Variants in WWOX observed in about 807,000 individuals in gnomAD.
The protein encoded by WWOX is WW domain containing oxidoreductase, also known as WW domain-containing oxidoreductase.
WWOX carries 69 observed loss-of-function variants against 46.2 expected under a neutral mutation model. The observed-to-expected ratio is 1.49, with a 90% CI of 1.23 to 1.82. The LOEUF (loss-of-function observed/expected upper bound fraction) is 1.82, where lower values mean the gene tolerates loss of function less well. WWOX is among the 40% of genes most tolerant of loss of function. WWOX has a pLI of 0.00. For missense variants in WWOX, 919 were observed against 542.6 expected, an observed-to-expected ratio of 1.69 and a Z score of -6.89; for synonymous variants, 359 against 202.6, an observed-to-expected ratio of 1.77 and a Z score of -6.56.
chr16:78,386,727 T>C (rs1038261822), intron 5 of WWOX, 133 bp from the exon 6 acceptor site: 1 of 670,410 alleles, frequency 1.5e-6, no homozygotes, highest in Non-Finnish European at 2.5e-6. Context: ...ATTCCGATGA[T>C]TTATATTCTC....
At chr16:78,943,463 A>G (rs1347681751) in intron 8 of WWOX, among the ~76,000 whole-genome samples, 2 of 151,546 alleles carry the variant, frequency 1.3e-5, no homozygotes, top group Non-Finnish European at 2.9e-5. Context: ...GGGAGGACCC[A>G]GGCACATAAA....
At chr16:78,289,187 C>T (rs376518408) in intron 5 of WWOX, among the ~76,000 whole-genome samples, 17 of 152,022 alleles carry the variant, frequency 1.1e-4, no homozygotes, top group African/African-American at 3.1e-4. Flanking sequence ...TGTTTCTTCC[C>T]GAGCTTCAGG....
At chr16:78,474,155 TCTG>T (rs2084300718) in intron 8 of WWOX, among the ~76,000 whole-genome samples, 1 of 152,246 alleles carries the variant, frequency 6.6e-6, no homozygotes, top group Non-Finnish European at 1.5e-5. Context: ...TTGAAATGGT[TCTG>T]CTGAAATTTT....
At chr16:79,162,283 G>T (rs944385324) in intron 8 of WWOX, among the ~76,000 whole-genome samples, 1 of 152,166 alleles carries the variant, frequency 6.6e-6, no homozygotes, top group East Asian at 1.9e-4. Flanking sequence ...GACAGATTCT[G>T]GGGCTCTAAG....
chr16:78,414,191 C>G (rs1006592508), intron 6 of WWOX, among the ~76,000 whole-genome samples: 1 of 151,954 alleles, frequency 6.6e-6, no homozygotes, highest in Non-Finnish European at 1.5e-5. Context: ...CACTACCCAC[C>G]CAAATCCTGT....
At chr16:78,482,442 C>G (rs183811974) in intron 8 of WWOX, among the ~76,000 whole-genome samples, 1 of 152,126 alleles carries the variant, frequency 6.6e-6, no homozygotes, top group Non-Finnish European at 1.5e-5. Context: ...ATGCTGGCCT[C>G]GAACTCCTCA....
chr16:78,799,268 G>C (rs887150888), intron 8 of WWOX, among the ~76,000 whole-genome samples: 3 of 152,184 alleles, frequency 2.0e-5, no homozygotes, highest in Non-Finnish European at 2.9e-5. Context: ...TTAACGGAGA[G>C]TTCATGGGCA....
chr16:78,537,669 G>A lies in WWOX; in HGVS notation c.1056+104917G>A, dbSNP rs190299056. Among the ~76,000 whole-genome samples, 33 of 152,222 alleles carry A rather than the reference G, an allele frequency of 2.2e-4. 1 individual carries two copies. Among genetic ancestry groups the A allele is most frequent in the Admixed American group, 1.2e-3 (18 of 15,290 alleles). On this transcript the variant is annotated intron_variant, in intron 8 of 8. Transcript: ENST00000566780. ...ATGTTGTTGTTGTGACAACTGTCTC[G>A]GGGGCTGGAGTTAGAGCCAGGGTCC...
chr16:79,160,199 T>C (rs2050458088), intron 8 of WWOX, among the ~76,000 whole-genome samples: 1 of 152,210 alleles, frequency 6.6e-6, no homozygotes, highest in Non-Finnish European at 1.5e-5. Flanking sequence ...AGATGGGAGC[T>C]GTCAGTTGTG....
At chr16:78,731,450 A>T (rs1249236924) in intron 8 of WWOX, among the ~76,000 whole-genome samples, 2 of 152,036 alleles carry the variant, frequency 1.3e-5, no homozygotes, top group Non-Finnish European at 2.9e-5. Context: ...TCAGTGTTTC[A>T]ACATAGACTT....
At chr16:79,000,177 G>T (rs1597257538) in intron 8 of WWOX, among the ~76,000 whole-genome samples, 2 of 152,098 alleles carry the variant, frequency 1.3e-5, no homozygotes, top group Admixed American at 6.6e-5. Context: ...CCTTCACTGG[G>T]CTCCGAAGCT....
chr16:78,278,438 G>T (rs1396845127), intron 5 of WWOX, among the ~76,000 whole-genome samples: 2 of 152,116 alleles, frequency 1.3e-5, no homozygotes, highest in African/African-American at 4.8e-5. Context: ...ATTTGTTGGT[G>T]CCAAACTGCA....
intron 8 of WWOX, among the ~76,000 whole-genome samples, chr16:79,073,065 G>T (rs183846624): frequency 3.3e-5 from 5 of 152,072 alleles, no homozygotes; most frequent in African/African-American, 1.2e-4. Flanking sequence ...TGCAGAATCT[G>T]TGTATTCATT....
At chr16:78,896,369 T>C (rs2044700469) in intron 8 of WWOX, 1 of 152,184 alleles carries the variant, frequency 6.6e-6, no homozygotes, top group Admixed American at 6.5e-5. Context: ...AAAAACGGGC[T>C]GGGACCACTG....
At chr16:78,373,370 A>T (rs2081740898) in intron 5 of WWOX, among the ~76,000 whole-genome samples, 1 of 152,206 alleles carries the variant, frequency 6.6e-6, no homozygotes, top group South Asian at 2.1e-4. Flanking sequence ...TCCCCTAGGA[A>T]CTTATTATAA....
intron 8 of WWOX, among the ~76,000 whole-genome samples, chr16:78,649,088 C>G (rs985696746): frequency 1.3e-5 from 2 of 152,156 alleles, no homozygotes; most frequent in East Asian, 3.9e-4. Flanking sequence ...ATTCTCCTGC[C>G]TCAGTCTCCC....
intron 5 of WWOX, among the ~76,000 whole-genome samples, chr16:78,375,498 G>C (rs1007659857): frequency 6.6e-6 from 1 of 152,312 alleles, no homozygotes; most frequent in East Asian, 1.9e-4. Flanking sequence ...TATTGACTGT[G>C]CATCAGGTAT....
intron 5 of WWOX, among the ~76,000 whole-genome samples, chr16:78,369,954 G>GA (rs1388497435): frequency 1.3e-5 from 2 of 151,968 alleles, no homozygotes; most frequent in East Asian, 1.9e-4. Context: ...CCAACATGGT[G>GA]AAACCCCATC....
chr16:79,088,134 G>C (rs779566894), intron 8 of WWOX, among the ~76,000 whole-genome samples: 2 of 152,188 alleles, frequency 1.3e-5, no homozygotes, highest in Non-Finnish European at 2.9e-5. Flanking sequence ...AGAACCATCA[G>C]ATAGAAGCAT....
Sources: gnomAD v4.1 joint callset for allele counts (sites outside exome capture counted in the v4.1 genomes callset) on GRCh38, gnomAD v4.1.1 for gene constraint, MANE v1.5 for transcripts, NCBI Gene and HGNC (gene_info 2026-07-23, HGNC 2026-07-21) for gene names.